Variants in MCMBP observed in about 807,000 individuals in gnomAD.
The protein encoded by MCMBP is mini-chromosome maintenance complex-binding protein.
Under a neutral mutation model 81.3 loss-of-function variants are expected in MCMBP, and 31 were observed. The ratio of observed to expected loss-of-function variants is 0.38; its 90% confidence interval spans 0.29 to 0.51. The LOEUF is 0.51. MCMBP is among the 20% of genes least tolerant of loss of function. MCMBP has a pLI of 0.87. For missense variants in MCMBP, 645 were observed against 772.1 expected, an observed-to-expected ratio of 0.84 and a Z score of 1.95; for synonymous variants, 267 against 275.9, an observed-to-expected ratio of 0.97 and a Z score of 0.32.
Position 119,843,439 on chromosome 10 carries a change from G to A in MCMBP, c.828-13C>T. ...TGCAGAGGCATCCCTGTGGAGAGGT[G>A]ATAAAGTTTCAATTTAGAGAGACAT... On this transcript the variant is annotated splice_polypyrimidine_tract_variant and intron_variant, in intron 8 of 15. Transcript: ENST00000369077. 1.2e-6 allele frequency: 2 copies of A among 1,605,548 alleles called. No homozygotes were observed. Among genetic ancestry groups the A allele is most frequent in the Non-Finnish European group, 1.7e-6 (2 of 1,174,228 alleles).
Position 119,857,525 on chromosome 10 carries a change from TA to T in MCMBP, c.328-87del. ...AAAATTAGCAACCACATTTTCACAT[TA>T]TAACACCACAGCAAATATTTTACAG... On this transcript the variant is annotated intron_variant, in intron 4 of 15. Transcript: ENST00000369077. 4.2e-6 allele frequency: 3 copies of T among 710,612 alleles called. No homozygotes were observed. In the South Asian group the frequency reaches 6.3e-5, roughly 15 times the overall value. The allele number at this position is 710,612 out of a possible 1,614,324, so 44.0% of individuals were successfully genotyped here. A position where few individuals can be genotyped will look rare whatever the true frequency, so the allele number is the denominator to read the frequency against.
intron 1 of MCMBP, among the ~76,000 whole-genome samples, chr10:119,862,783 C>T (rs1379284634): frequency 6.6e-6 from 1 of 152,196 alleles, no homozygotes; most frequent in Non-Finnish European, 1.5e-5. Context: ...CACCATTTTG[C>T]TAAGAGATCC....
At position 119,872,588 on chromosome 10, in the gene MCMBP, G is replaced by C. The variant is rs1482182240; in HGVS notation, c.-4C>G. On this transcript the variant is annotated 5_prime_UTR_variant, in exon 1 of 16. Transcript: ENST00000369077. ...GCCAATCCTCCCCACACGGCATCTC[G>C]CCAGGGGCCGGGGCCGGCGAAGACC... The C allele has an allele frequency of 1.7e-6, 2 of 1,174,868 alleles. No individual in the cohort carries two copies. The highest frequency in any genetic ancestry group is 3.2e-5 in the African/African-American group (2 of 61,614). The allele number at this position is 1,174,868 out of a possible 1,614,324, so 72.8% of individuals were successfully genotyped here.
In MCMBP at chr10:119,860,116, G is replaced by A. The variant is rs79070110; in HGVS notation, c.59-232C>T. On this transcript the variant is annotated intron_variant, in intron 1 of 15. Transcript: ENST00000369077. ...AGGGGAAGGGGCAGTTACAAATCAG[G>A]AGGATGCTGACCTCCTGCAGGCTCT... Among the ~76,000 whole-genome samples the A allele has an allele frequency of 8.9e-3, 1,362 of 152,220 alleles. 8 individuals carry two copies. Among genetic ancestry groups the A allele is most frequent in the Non-Finnish European group, 0.014 (973 of 67,996 alleles).
Position 119,831,618 on chromosome 10 carries a change from A to G in MCMBP, c.1797-18T>C. 6.2e-7 allele frequency: 1 copy of G among 1,607,678 alleles called. No individual in the cohort carries two copies. Among genetic ancestry groups the G allele is most frequent in the Non-Finnish European group, 8.5e-7 (1 of 1,178,434 alleles). ...ACAGACACCTGGTTTGAAACACAGA[A>G]ACAAATTTAAGTCTAGAGCTGGGAT... On this transcript the variant is annotated intron_variant, in intron 15 of 15. Coordinates refer to ENST00000369077, the MANE Select transcript of MCMBP (RefSeq NM_001256378.2).
chr10:119,859,556 G>C (rs1321890778), intron 2 of MCMBP, among the ~76,000 whole-genome samples: 1 of 152,006 alleles, frequency 6.6e-6, no homozygotes, highest in Non-Finnish European at 1.5e-5. Context: ...TGACACTCTT[G>C]CAACTAAAGA....
intron 1 of MCMBP, among the ~76,000 whole-genome samples, chr10:119,864,154 T>C (rs1853365438): frequency 6.6e-6 from 1 of 152,140 alleles, no homozygotes. Flanking sequence ...AGCCAAGAAA[T>C]GTGGGCAGAC....
chr10:119,835,024 GA>G (rs1215222294), intron 14 of MCMBP, among the ~76,000 whole-genome samples: 1 of 152,144 alleles, frequency 6.6e-6, no homozygotes, highest in Non-Finnish European at 1.5e-5. Flanking sequence ...TAGGCAAATA[GA>G]AAAAATAGTA....
chr10:119,842,560 T>C lies in MCMBP; in HGVS notation c.1036A>G (p.Arg346Gly). The C allele has an allele frequency of 4.3e-6, 7 of 1,613,792 alleles. No homozygotes were observed. Among genetic ancestry groups the C allele is most frequent in the Non-Finnish European group, 5.9e-6 (7 of 1,179,844 alleles). ...SSFMSELSPV[R>G]AELLGFLTHA... ...GTAAGGAACCCAAGAAGTTCTGCTC[T>C]GACTGGAGACAATTCGGACATGAAA... Residue 346 changes from arginine (R) to glycine (G), a missense_variant, in exon 10 of 16, where the codon AGA becomes GGA. Transcript: ENST00000369077.
intron 14 of MCMBP, among the ~76,000 whole-genome samples, chr10:119,833,620 G>A (rs980682709): frequency 2.0e-5 from 3 of 152,098 alleles, no homozygotes; most frequent in African/African-American, 7.2e-5. Flanking sequence ...AGTGAGCTGT[G>A]GCTGTGCTAC....
In MCMBP at chr10:119,829,782, G is replaced by A. The variant is rs569291600; in HGVS notation, c.*1692C>T. ...TGAATCTTCTTACTCATGAAAAACA[G>A]CCCAAGGTACTGCTAATTTGGGACG... On this transcript the variant is annotated 3_prime_UTR_variant, in exon 16 of 16. Transcript: ENST00000369077. 1 of 152,258 alleles carries A rather than the reference G, an allele frequency of 6.6e-6. No homozygotes were observed. Among genetic ancestry groups the A allele is most frequent in the African/African-American group, 2.4e-5 (1 of 41,548 alleles). 9.4% of individuals were successfully genotyped at this position (152,258 alleles called of 1,614,324 possible).
In MCMBP at chr10:119,838,528, T is replaced by A; in HGVS notation, c.1408+7A>T. The A allele has an allele frequency of 6.2e-7, 1 of 1,612,470 alleles. No homozygotes were observed. Among genetic ancestry groups the A allele is most frequent in the Non-Finnish European group, 8.5e-7 (1 of 1,178,932 alleles). ...CAGAAATGGAAGAGAAACATCTATG[T>A]ACGTACCTGGGGTATCCAGCTGCCC... On this transcript the variant is annotated splice_region_variant and intron_variant, in intron 12 of 15. Transcript: ENST00000369077.
At chr10:119,853,013 G>C (rs774730374) in intron 6 of MCMBP, 37 bp downstream of exon 6, 2 of 1,610,228 alleles carry the variant, frequency 1.2e-6, no homozygotes, top group East Asian at 2.2e-5. Flanking sequence ...TACTGTAAGA[G>C]AGCAAAGTCT....
chr10:119,844,276 T>C (rs1012493273), intron 8 of MCMBP, among the ~76,000 whole-genome samples: 9 of 152,236 alleles, frequency 5.9e-5, no homozygotes, highest in African/African-American at 1.4e-4. Context: ...CTGCAGATGA[T>C]AGATTTGTGA....
intron 4 of MCMBP, 85 bp from the exon 5 acceptor site, chr10:119,857,524 T>C (rs1481446841): frequency 2.8e-6 from 2 of 709,506 alleles, no homozygotes; most frequent in East Asian, 5.7e-5. Flanking sequence ...CATTTTCACA[T>C]TATAACACCA....
chr10:119,866,358 G>T (rs536795266), intron 1 of MCMBP, among the ~76,000 whole-genome samples: 2 of 152,296 alleles, frequency 1.3e-5, no homozygotes, highest in East Asian at 3.9e-4. Context: ...GGGCGTGGTG[G>T]CTCATGCCTG....
chr10:119,835,150 C>T (rs980374733), intron 14 of MCMBP, among the ~76,000 whole-genome samples: 4 of 151,994 alleles, frequency 2.6e-5, no homozygotes, highest in African/African-American at 9.7e-5. Flanking sequence ...GACAGGAGCA[C>T]AAGGGAGAGG....
chr10:119,838,778 T>G (rs1472003883), intron 11 of MCMBP, 78 bp from the exon 12 acceptor site: 79 of 1,296,798 alleles, frequency 6.1e-5, no homozygotes, highest in Non-Finnish European at 8.0e-5. Context: ...AATTAAACAT[T>G]GTGTTTCATA....
intron 8 of MCMBP, among the ~76,000 whole-genome samples, chr10:119,843,684 T>C (rs1215440050): frequency 6.6e-6 from 1 of 152,072 alleles, no homozygotes; most frequent in African/African-American, 2.4e-5. Context: ...TTTTTTTGGA[T>C]GGAGTCTCAC....
Sources: allele counts gnomAD v4.1 joint callset (sites outside exome capture counted in the v4.1 genomes callset), GRCh38; gene constraint gnomAD v4.1.1; transcripts MANE v1.5; gene names NCBI Gene and HGNC (gene_info 2026-07-23, HGNC 2026-07-21).